Variants in VRK2 observed in about 807,000 individuals in gnomAD.
VRK2 encodes VRK serine/threonine kinase 2.
A neutral mutation model predicts 57.6 loss-of-function variants in VRK2; 60 were observed. That is an observed-to-expected ratio of 1.04 (90% confidence interval 0.85 to 1.29). The LOEUF is 1.29. Ranked by LOEUF, VRK2 falls within the 50% of genes most tolerant of loss-of-function variation. The probability of loss-of-function intolerance (pLI) is 0.00; values close to 1 mark genes in which losing one functional copy is unlikely to be tolerated. For synonymous variants in VRK2, 231 were observed against 199.2 expected (o/e 1.16, Z -1.35); for missense variants, 705 against 588.1 (o/e 1.20, Z -2.06).
At chr2:57,928,149 CTAA>C (rs1359966155) in intron 1 of VRK2, among the ~76,000 whole-genome samples, 2 of 152,116 alleles carry the variant, frequency 1.3e-5, no homozygotes, top group East Asian at 3.9e-4. Context: ...CTCTTTAAGG[CTAA>C]TAATTTAGAT....
At chr2:58,093,140 T>C (rs1050255723) in intron 7 of VRK2, among the ~76,000 whole-genome samples, 7 of 152,232 alleles carry the variant, frequency 4.6e-5, no homozygotes, top group African/African-American at 1.7e-4. Flanking sequence ...GCATGTGTCT[T>C]TATAGCAGCA....
At position 57,931,281 on chromosome 2, in the gene VRK2, G is replaced by A. The variant is rs571411886; in HGVS notation, c.-439+23442G>A. On this transcript the variant is annotated intron_variant, in intron 1 of 15. Transcript: ENST00000417641. Reference sequence around the variant, plus strand: ...AAGTGTACAAGAGTTCCCTTTTCTTGACATCCTTGGCTGTTATCTTCTAAA... The same window carrying A: ...AAGTGTACAAGAGTTCCCTTTTCTTAACATCCTTGGCTGTTATCTTCTAAA... Among the ~76,000 whole-genome samples, 8 of 151,992 alleles carry A rather than the reference G, an allele frequency of 5.3e-5. No homozygotes were observed. The East Asian group carries it at 1.5e-3, about 29-fold the overall frequency.
At chr2:57,983,966 T>C (rs1405255020) in intron 1 of VRK2, among the ~76,000 whole-genome samples, 1 of 152,180 alleles carries the variant, frequency 6.6e-6, no homozygotes, top group Non-Finnish European at 1.5e-5. Context: ...AATGGCAAGA[T>C]AGGGGGACAT....
chr2:58,141,121 T>C (rs1043883656), intron 11 of VRK2, among the ~76,000 whole-genome samples: 3 of 152,074 alleles, frequency 2.0e-5, no homozygotes, highest in African/African-American at 7.2e-5. Flanking sequence ...GAGACTTGTT[T>C]TAACAGTTTT....
intron 1 of VRK2, among the ~76,000 whole-genome samples, chr2:57,952,472 A>G (rs930617966): frequency 5.3e-5 from 8 of 152,208 alleles, no homozygotes; most frequent in African/African-American, 1.9e-4. Context: ...TATTTCTTCC[A>G]AACTCTGGTT....
intron 1 of VRK2, chr2:58,047,237 G>T (rs1016625216): frequency 7.2e-6 from 2 of 278,954 alleles, no homozygotes; most frequent in African/African-American, 2.3e-5. Context: ...GGACCAGGCG[G>T]CTGGGCCGCG....
chr2:58,056,816 C>T (rs1046048332), intron 2 of VRK2, among the ~76,000 whole-genome samples: 2 of 152,014 alleles, frequency 1.3e-5, no homozygotes, highest in South Asian at 2.1e-4. Flanking sequence ...GTTGGTCTAA[C>T]GAAAAGGCAA....
At chr2:57,961,964 C>T (rs1671775216) in intron 1 of VRK2, among the ~76,000 whole-genome samples, 1 of 152,142 alleles carries the variant, frequency 6.6e-6, no homozygotes, top group Admixed American at 6.5e-5. Flanking sequence ...GTAGTCCCAG[C>T]TGCTTGGGAG....
chr2:58,089,581 C>A, intron 6 of VRK2, 50 bp from the exon 7 acceptor site: 1 of 1,157,864 alleles, frequency 8.6e-7, no homozygotes, highest in South Asian at 1.6e-5. Flanking sequence ...TGAAATTGAT[C>A]ATGAGTTCTA....
chr2:58,014,177 G>C (rs1451004757), intron 1 of VRK2, among the ~76,000 whole-genome samples: 1 of 151,960 alleles, frequency 6.6e-6, no homozygotes, highest in Admixed American at 6.6e-5. Flanking sequence ...GCACCAACTC[G>C]GGAATATATT....
chr2:58,152,663 G>T (rs1001190461), intron 12 of VRK2, among the ~76,000 whole-genome samples: 1 of 151,466 alleles, frequency 6.6e-6, no homozygotes, highest in African/African-American at 2.4e-5. Context: ...GTCACCTCTT[G>T]TCTGTCTGAA....
intron 8 of VRK2, among the ~76,000 whole-genome samples, chr2:58,127,824 A>G (rs185689866): frequency 1.6e-3 from 248 of 152,298 alleles, no homozygotes; most frequent in African/African-American, 5.7e-3. Flanking sequence ...TTCATACTCC[A>G]TAATGTTACT....
chr2:58,016,478 G>A lies in VRK2; in HGVS notation c.-438-9187G>A, dbSNP rs566934970. On this transcript the variant is annotated intron_variant, in intron 1 of 15. Coordinates refer to the VRK2 transcript ENST00000417641. Reference sequence around the variant, plus strand: ...AAGGATTCTCCTGCCTCAGCCTCCCGAGTAGCTGGGATTACAGGTGCACAC... The same window carrying A: ...AAGGATTCTCCTGCCTCAGCCTCCCAAGTAGCTGGGATTACAGGTGCACAC... 2.8e-4 allele frequency among the ~76,000 whole-genome samples: 43 copies of A among 152,028 alleles called. No homozygotes were observed. In the South Asian group the frequency reaches 8.9e-3, roughly 32 times the overall value.
At chr2:58,041,902 G>A (rs564133484), upstream of VRK2, among the ~76,000 whole-genome samples, 117 of 152,036 alleles carry the variant, frequency 7.7e-4, 1 homozygote, top group Non-Finnish European at 1.3e-3. Flanking sequence ...CTATGACCTG[G>A]AACTCCCCCC....
intron 2 of VRK2, among the ~76,000 whole-genome samples, chr2:58,057,608 T>C (rs1004497207): frequency 3.9e-5 from 6 of 152,160 alleles, no homozygotes; most frequent in Non-Finnish European, 7.4e-5. Context: ...ATAAAATGGA[T>C]TGACTTATGT....
At chr2:58,004,138 C>A (rs1277442765) in intron 1 of VRK2, among the ~76,000 whole-genome samples, 1 of 151,950 alleles carries the variant, frequency 6.6e-6, no homozygotes, top group Non-Finnish European at 1.5e-5. Context: ...ATCTCTTGCT[C>A]TTTTTTCTCT....
At chr2:58,137,691 C>G (rs939283589) in intron 10 of VRK2, among the ~76,000 whole-genome samples, 1 of 152,100 alleles carries the variant, frequency 6.6e-6, no homozygotes, top group East Asian at 1.9e-4. Context: ...GCATACATGT[C>G]CAACTAAGCA....
intron 1 of VRK2, among the ~76,000 whole-genome samples, chr2:57,958,692 C>T (rs1259459574): frequency 6.6e-6 from 1 of 151,702 alleles, no homozygotes; most frequent in South Asian, 2.1e-4. Flanking sequence ...CTTATTGATC[C>T]CTGCATGATT....
intron 7 of VRK2, among the ~76,000 whole-genome samples, chr2:58,114,325 G>C (rs1375943476): frequency 1.3e-5 from 2 of 151,818 alleles, no homozygotes; most frequent in African/African-American, 2.4e-5. Flanking sequence ...TGATGGCTTG[G>C]AGAAACAGTG....
Sources: allele counts gnomAD v4.1 joint callset (sites outside exome capture counted in the v4.1 genomes callset), GRCh38; gene constraint gnomAD v4.1.1; transcripts MANE v1.5; gene names NCBI Gene and HGNC (gene_info 2026-07-23, HGNC 2026-07-21).